SLC12A6: variants seen among roughly 807,000 people sequenced by gnomAD.
SLC12A6 encodes K-Cl cotransporter 3.
Under a neutral mutation model 135.3 loss-of-function variants are expected in SLC12A6, and 66 were observed. That is an observed-to-expected ratio of 0.49 (90% confidence interval 0.40 to 0.60). The LOEUF (loss-of-function observed/expected upper bound fraction) is 0.60, where lower values mean the gene tolerates loss of function less well. Ranked by LOEUF, SLC12A6 falls within the 20% of genes least tolerant of loss-of-function variation. SLC12A6 has a pLI of 0.00. For synonymous variants in SLC12A6, 513 were observed against 508.8 expected (o/e 1.01, Z -0.11); for missense variants, 1,058 against 1,452.3 (o/e 0.73, Z 4.41).
chr15:34,278,687 C>T (rs1894464112), intron 2 of SLC12A6, among the ~76,000 whole-genome samples: 1 of 151,944 alleles, frequency 6.6e-6, no homozygotes, highest in South Asian at 2.1e-4. Context: ...TTTTCTGCCT[C>T]ATCCTCCAGA....
chr15:34,308,601 A>G (rs1244914327), intron 2 of SLC12A6, among the ~76,000 whole-genome samples: 1 of 140,244 alleles, frequency 7.1e-6, no homozygotes. Flanking sequence ...CTTCAGCCTG[A>G]GCAAGGAAGC....
chr15:34,318,636 C>T lies in SLC12A6; in HGVS notation c.271+17774G>A, dbSNP rs757242571. ...TCTTGAGAGATCGAAGCCGCTGCCC[C>T]CTCCTCTGGGTCCTCTACCTTAGTC... On this transcript the variant is annotated intron_variant, in intron 2 of 25. Coordinates refer to ENST00000354181, the MANE Select transcript of SLC12A6 (RefSeq NM_001365088.1). 4 of 1,613,352 alleles carry T rather than the reference C, an allele frequency of 2.5e-6. No homozygotes were observed. In the Admixed American group the frequency reaches 5.0e-5, roughly 20 times the overall value.
intron 2 of SLC12A6, among the ~76,000 whole-genome samples, chr15:34,300,793 C>CAA (rs71763739): frequency 0.021 from 2,031 of 98,304 alleles, 60 homozygotes; most frequent in African/African-American, 0.056. Flanking sequence ...GACTCCGTCT[C>CAA]AAAAAAAAAA....
chr15:34,314,256 A>G (rs1888475036), intron 2 of SLC12A6, among the ~76,000 whole-genome samples: 1 of 152,130 alleles, frequency 6.6e-6, no homozygotes, highest in African/African-American at 2.4e-5. Flanking sequence ...TATGTTGGCC[A>G]AGCTGGTCTC....
chr15:34,229,840 T>C lies in SLC12A6; in HGVS notation c.*4041A>G. On this transcript the variant is annotated 3_prime_UTR_variant, in exon 26 of 26. Transcript: ENST00000354181. ...ATGTATTTGGGTCTTATTTACATCC[T>C]TCTTTAAGCCCAGTGGCTCCTCAGC... 1 of 1,590,430 alleles carries C rather than the reference T, an allele frequency of 6.3e-7. No individual in the cohort carries two copies. The highest frequency in any genetic ancestry group is 8.6e-7 in the Non-Finnish European group (1 of 1,158,444).
chr15:34,256,079 T>G (rs1403417932), intron 7 of SLC12A6, 150 bp downstream of exon 7: 5 of 684,106 alleles, frequency 7.3e-6, no homozygotes, highest in African/African-American at 1.8e-5. Flanking sequence ...TCAAGTAGTA[T>G]TATGTCTACG....
At chr15:34,241,392 T>A (rs892925595) in intron 17 of SLC12A6, 55 bp from the exon 18 acceptor site, 1 of 956,732 alleles carries the variant, frequency 1.0e-6, no homozygotes, top group South Asian at 1.4e-5. Context: ...AGTATAATTT[T>A]AAAAAATAAA....
intron 2 of SLC12A6, among the ~76,000 whole-genome samples, chr15:34,307,775 T>C (rs1242422946): frequency 6.6e-6 from 1 of 151,990 alleles, no homozygotes; most frequent in Non-Finnish European, 1.5e-5. Flanking sequence ...AAAGTTGAGA[T>C]GAAGAAAAAA....
At position 34,301,319 on chromosome 15, in the gene SLC12A6, A is replaced by T. The variant is rs369263859; in HGVS notation, c.272-25930T>A. Among the ~76,000 whole-genome samples the T allele has an allele frequency of 5.9e-5, 9 of 152,324 alleles. No individual in the cohort carries two copies. In the South Asian group the frequency reaches 8.3e-4, roughly 14 times the overall value. ...TACCAAGAGACCAAAATTCAGGATTAGTTTTAATAAAGGCTGATGATGGAA... is the reference window on the plus strand; with the variant it reads ...TACCAAGAGACCAAAATTCAGGATTTGTTTTAATAAAGGCTGATGATGGAA... On this transcript the variant is annotated intron_variant, in intron 2 of 25. Coordinates refer to ENST00000354181, the MANE Select transcript of SLC12A6 (RefSeq NM_001365088.1).
intron 2 of SLC12A6, among the ~76,000 whole-genome samples, chr15:34,297,633 G>C (rs182997905): frequency 1.3e-5 from 2 of 152,166 alleles, no homozygotes; most frequent in African/African-American, 4.8e-5. Context: ...AGGGAGACGT[G>C]CAACATTGAT....
At chr15:34,297,754 G>T (rs1347095811) in intron 2 of SLC12A6, among the ~76,000 whole-genome samples, 1 of 152,206 alleles carries the variant, frequency 6.6e-6, no homozygotes, top group African/African-American at 2.4e-5. Context: ...ATTTGCTTGG[G>T]AAGATTGGGT....
chr15:34,270,461 T>G (rs1396341179), intron 3 of SLC12A6, among the ~76,000 whole-genome samples: 1 of 152,150 alleles, frequency 6.6e-6, no homozygotes, highest in African/African-American at 2.4e-5. Flanking sequence ...GTATTAGCCC[T>G]TCCTCATGCT....
rs997564718 is a variant in SLC12A6, at chr15:34,229,988, C to T, written c.*3893G>A. On this transcript the variant is annotated 3_prime_UTR_variant, in exon 26 of 26. Coordinates refer to ENST00000354181, the MANE Select transcript of SLC12A6 (RefSeq NM_001365088.1). ...CAAACACAAAGAAACTATACCATAA[C>T]CCAAGGCTGAAAATAATGTAGAAAA... 3.8e-5 allele frequency: 23 copies of T among 602,302 alleles called. No individual in the cohort carries two copies. Among genetic ancestry groups the T allele is most frequent in the Non-Finnish European group, 2.9e-6 (1 of 342,678 alleles). 37.3% of individuals were successfully genotyped at this position (602,302 alleles called of 1,614,324 possible).
At chr15:34,261,698 A>G (rs548515676) in intron 3 of SLC12A6, among the ~76,000 whole-genome samples, 4 of 152,324 alleles carry the variant, frequency 2.6e-5, no homozygotes, top group East Asian at 3.9e-4. Context: ...TCCTTTACAC[A>G]CTATTGCTGC....
chr15:34,253,813 T>C (rs1481512893), intron 9 of SLC12A6, among the ~76,000 whole-genome samples: 1 of 152,188 alleles, frequency 6.6e-6, no homozygotes, highest in African/African-American at 2.4e-5. Context: ...AATCCATTAC[T>C]ACTTCAAAAA....
In SLC12A6 at chr15:34,258,962, T is replaced by C. The variant is rs141438896; in HGVS notation, c.412-18A>G. ...ATTTCTTCCTATAAAGCCAGTGACA[T>C]GGAAGAAATGAGCTACAAAGAACAC... On this transcript the variant is annotated intron_variant, in intron 4 of 25. Transcript: ENST00000354181. The C allele has an allele frequency of 9.5e-5, 152 of 1,598,828 alleles. No individual in the cohort carries two copies. The East Asian group carries it at 3.0e-3, about 32-fold the overall frequency.
intron 8 of SLC12A6, 94 bp from the exon 9 acceptor site, chr15:34,254,683 C>A (rs1261437255): frequency 3.1e-6 from 3 of 956,954 alleles, no homozygotes; most frequent in Non-Finnish European, 4.9e-6. Context: ...CAAAAGAAAG[C>A]AAAGCTGAGA....
chr15:34,240,946 G>A, intron 18 of SLC12A6, 117 bp from the exon 19 acceptor site: 1 of 824,742 alleles, frequency 1.2e-6, no homozygotes, highest in South Asian at 1.5e-5. Context: ...TAATTTGACA[G>A]AAGGAAGAGA....
intron 2 of SLC12A6, among the ~76,000 whole-genome samples, chr15:34,279,857 CAGAT>C (rs1894555842): frequency 6.6e-6 from 1 of 152,128 alleles, no homozygotes; most frequent in Non-Finnish European, 1.5e-5. Context: ...CTATTAAAAA[CAGAT>C]AGATGTAATC....
Sources: gnomAD v4.1 joint callset for allele counts (sites outside exome capture counted in the v4.1 genomes callset) on GRCh38, gnomAD v4.1.1 for gene constraint, MANE v1.5 for transcripts, NCBI Gene and HGNC (gene_info 2026-07-23, HGNC 2026-07-21) for gene names.